Variants in AGTPBP1 observed in about 807,000 individuals in gnomAD.
AGTPBP1 encodes the protein ATP/GTP binding carboxypeptidase 1.
A neutral mutation model predicts 143.9 loss-of-function variants in AGTPBP1; 70 were observed. That is an observed-to-expected ratio of 0.49 (90% CI 0.40 to 0.59). The LOEUF is 0.59. Among genes scored for constraint, AGTPBP1 ranks in the 20% least tolerant of loss-of-function variants. AGTPBP1 has a pLI of 0.00. For synonymous variants in AGTPBP1, 463 were observed against 500.2 expected, an observed-to-expected ratio of 0.93 and a Z score of 0.99; for missense variants, 1,229 against 1,464.5, an observed-to-expected ratio of 0.84 and a Z score of 2.62.
intron 5 of AGTPBP1, 61 bp downstream of exon 5, chr9:85,678,274 T>C: frequency 1.7e-6 from 2 of 1,152,164 alleles, no homozygotes; most frequent in Non-Finnish European, 2.5e-6. Context: ...ATAAAGTGAA[T>C]ACGATACATT....
the AGTPBP1 span, among the ~76,000 whole-genome samples, chr9:85,787,608 A>T: frequency 6.6e-6 from 1 of 152,112 alleles, no homozygotes; most frequent in Non-Finnish European, 1.5e-5. Flanking sequence ...GTTTGGAATT[A>T]AGAACTAAAC....
chr9:85,798,374 T>C, the AGTPBP1 span, among the ~76,000 whole-genome samples: 1 of 151,552 alleles, frequency 6.6e-6, no homozygotes, highest in Non-Finnish European at 1.5e-5. Flanking sequence ...TTTTTTTTTT[T>C]TTTCTTTTTT....
intron 2 of AGTPBP1, among the ~76,000 whole-genome samples, chr9:85,701,836 G>C (rs191449935): frequency 4.6e-5 from 7 of 152,296 alleles, no homozygotes; most frequent in Admixed American, 2.0e-4. Context: ...TTTGGGAACT[G>C]TTTCACCTGT....
In AGTPBP1 at chr9:85,619,204, A is replaced by C. The variant is rs1311476001; in HGVS notation, c.2186+11T>G. 6.2e-7 allele frequency: 1 copy of C among 1,610,894 alleles called. No homozygotes were observed. The highest frequency in any genetic ancestry group is 1.1e-5 in the South Asian group (1 of 90,310). ...TGCACATACAAAATGAGAAAATCTTAAGTGACTTACTTTCTAATTTGAATT... is the reference window on the plus strand; with the variant it reads ...TGCACATACAAAATGAGAAAATCTTCAGTGACTTACTTTCTAATTTGAATT... On this transcript the variant is annotated intron_variant, in intron 16 of 25. Transcript: ENST00000357081.
At chr9:85,631,047 T>G (rs1399125329) in intron 14 of AGTPBP1, among the ~76,000 whole-genome samples, 1 of 152,230 alleles carries the variant, frequency 6.6e-6, no homozygotes, top group Non-Finnish European at 1.5e-5. Flanking sequence ...TTAGCTGATC[T>G]GGGTCAATCA....
chr9:85,651,168 T>C lies in AGTPBP1; in HGVS notation c.1087+3975A>G, dbSNP rs76467070. On this transcript the variant is annotated intron_variant, in intron 11 of 25. Coordinates refer to ENST00000357081, the MANE Select transcript of AGTPBP1 (RefSeq NM_001330701.2). ...CTTAGCCTTTAGTGCTCTCAGGATA[T>C]TGTGCATCTTTGAAATTTCCTTGCT... Among the ~76,000 whole-genome samples, 904 of 152,288 alleles carry C rather than the reference T, an allele frequency of 5.9e-3. 6 individuals are homozygous for C. Among genetic ancestry groups the C allele is most frequent in the East Asian group, 0.023 (121 of 5,174 alleles).
intron 2 of AGTPBP1, among the ~76,000 whole-genome samples, chr9:85,698,759 C>A (rs889260250): frequency 8.3e-6 from 1 of 120,334 alleles, no homozygotes; most frequent in Non-Finnish European, 1.6e-5. Flanking sequence ...GTGGCGCGAT[C>A]TTGGCTCACT....
At chr9:85,593,566 C>T (rs1829107881) in intron 18 of AGTPBP1, among the ~76,000 whole-genome samples, 2 of 152,104 alleles carry the variant, frequency 1.3e-5, no homozygotes, top group Non-Finnish European at 2.9e-5. Context: ...GTGATAATCG[C>T]ATTGTAGTTA....
intron 1 of AGTPBP1, among the ~76,000 whole-genome samples, chr9:85,729,102 A>G (rs1229073345): frequency 6.6e-6 from 1 of 152,210 alleles, no homozygotes; most frequent in African/African-American, 2.4e-5. Flanking sequence ...AAACTCATAT[A>G]TCTATGGCCA....
rs72744901 is a variant in AGTPBP1 at position 85,623,139 on chromosome 9, G to A, written c.2016-1854C>T. On this transcript the variant is annotated intron_variant, in intron 14 of 25. Coordinates refer to ENST00000357081, the MANE Select transcript of AGTPBP1 (RefSeq NM_001330701.2). ...CGGGCAGGAACTGTGAAAAACTGAG[G>A]ACACAGCTTCTGTCTAAAAACGAGC... is the stretch of plus-strand genomic sequence containing the variant. 9.4e-3 allele frequency among the ~76,000 whole-genome samples: 1,435 copies of A among 152,270 alleles called. 11 individuals are homozygous for A. The highest frequency in any genetic ancestry group is 0.014 in the Non-Finnish European group (941 of 68,014).
At chr9:85,712,435 G>T in intron 2 of AGTPBP1, 67 bp downstream of exon 2, 1 of 795,068 alleles carries the variant, frequency 1.3e-6, no homozygotes, top group Non-Finnish European at 1.9e-6. Flanking sequence ...CAAGTATTGA[G>T]TTTCAAGTAA....
intron 1 of AGTPBP1, among the ~76,000 whole-genome samples, chr9:85,736,460 A>G (rs1486561406): frequency 2.0e-5 from 3 of 152,188 alleles, no homozygotes; most frequent in South Asian, 4.1e-4. Flanking sequence ...ATTCGAAAGT[A>G]TATATTATCA....
chr9:85,777,638 T>G, the AGTPBP1 span, among the ~76,000 whole-genome samples: 1 of 152,202 alleles, frequency 6.6e-6, no homozygotes, highest in South Asian at 2.1e-4. Context: ...CATCCGTTGG[T>G]GAGCACTCAC....
At chr9:85,741,271 A>C in intron 1 of AGTPBP1, 1 of 985,232 alleles carries the variant, frequency 1.0e-6, no homozygotes, top group Non-Finnish European at 1.2e-6. Flanking sequence ...AGCAAATCCC[A>C]CCTTGCTGGC....
intron 1 of AGTPBP1, among the ~76,000 whole-genome samples, chr9:85,731,640 G>A (rs758836392): frequency 1.7e-3 from 260 of 152,104 alleles, no homozygotes; most frequent in Middle Eastern, 6.8e-3. Context: ...TGTAGAGACC[G>A]GGTCTTGTCA....
intron 13 of AGTPBP1, among the ~76,000 whole-genome samples, chr9:85,639,010 T>C (rs532643408): frequency 6.6e-6 from 1 of 152,234 alleles, no homozygotes; most frequent in South Asian, 2.1e-4. Context: ...TATAGAATTC[T>C]TTTCAAACAC....
intron 6 of AGTPBP1, among the ~76,000 whole-genome samples, chr9:85,676,675 T>C (rs544666555): frequency 6.2e-4 from 94 of 152,292 alleles, no homozygotes; most frequent in African/African-American, 2.3e-3. Flanking sequence ...GATCTAGCAG[T>C]CCTACTGTTG....
At chr9:85,650,631 T>C (rs1833107563) in intron 11 of AGTPBP1, among the ~76,000 whole-genome samples, 1 of 152,236 alleles carries the variant, frequency 6.6e-6, no homozygotes, top group Admixed American at 6.5e-5. Context: ...ACAGAGTCGA[T>C]ACTGCTAATC....
At chr9:85,642,101 G>A (rs1242690608) in intron 13 of AGTPBP1, among the ~76,000 whole-genome samples, 2 of 152,064 alleles carry the variant, frequency 1.3e-5, no homozygotes, top group East Asian at 1.9e-4. Flanking sequence ...TGAAATTTGG[G>A]GAACAAAGGA....
Sources: gnomAD v4.1 joint callset for allele counts (sites outside exome capture counted in the v4.1 genomes callset) on GRCh38, gnomAD v4.1.1 for gene constraint, MANE v1.5 for transcripts, NCBI Gene and HGNC (gene_info 2026-07-23, HGNC 2026-07-21) for gene names.